Variants in PPIH observed in about 807,000 individuals in gnomAD.
PPIH encodes peptidyl-prolyl cis-trans isomerase H.
A neutral mutation model predicts 27.6 loss-of-function variants in PPIH; 16 were observed. That is an observed-to-expected ratio of 0.58 (90% CI 0.39 to 0.88). PPIH has a LOEUF of 0.88. Ranked by LOEUF, PPIH falls within the 40% of genes least tolerant of loss-of-function variation. The pLI, the probability that PPIH is intolerant of heterozygous loss-of-function variation, is 0.00. For synonymous variants in PPIH, 63 were observed against 76.1 expected, an observed-to-expected ratio of 0.83 and a Z score of 0.90; for missense variants, 155 against 224.1, an observed-to-expected ratio of 0.69 and a Z score of 1.97.
chr1:42,669,475 TTGG>T (rs1649516715), intron 9 of PPIH, among the ~76,000 whole-genome samples: 1 of 152,166 alleles, frequency 6.6e-6, no homozygotes, highest in South Asian at 2.1e-4. Flanking sequence ...TTTATATTTC[TTGG>T]TAGAGATGGG....
intron 4 of PPIH, among the ~76,000 whole-genome samples, chr1:42,660,373 G>A (rs1417945667): frequency 6.6e-6 from 1 of 152,090 alleles, no homozygotes; most frequent in Non-Finnish European, 1.5e-5. Context: ...CTTTTTTATG[G>A]TTAATTATCC....
chr1:42,660,957 A>G (rs575487334), intron 5 of PPIH, 53 bp downstream of exon 5: 1 of 1,502,930 alleles, frequency 6.7e-7, no homozygotes, highest in Middle Eastern at 1.7e-4. Flanking sequence ...TTTTGTTGTT[A>G]TTGTTGCAAT....
At chr1:42,671,836 G>A (rs1417962712) in intron 9 of PPIH, among the ~76,000 whole-genome samples, 1 of 152,018 alleles carries the variant, frequency 6.6e-6, no homozygotes, top group East Asian at 1.9e-4. Flanking sequence ...GGGTGTGGAG[G>A]GAAGGGAAGT....
rs1382459096 is a variant in PPIH at position 42,658,803 on chromosome 1, G to A, written c.67-41G>A. The A allele has an allele frequency of 3.1e-6, 5 of 1,608,988 alleles. No individual in the cohort carries two copies. The African/African-American group carries it at 6.7e-5, about 22-fold the overall frequency. On this transcript the variant is annotated intron_variant, in intron 1 of 9. Coordinates refer to ENST00000304979, the MANE Select transcript of PPIH (RefSeq NM_006347.4). ...CCCCCTGCTCCGTGAAGCCCTCATG[G>A]TCTTGGACTGGGCCTTCTGACACTC...
Position 42,658,906 on chromosome 1 carries a change from TAG to T in PPIH, c.130_131del (p.Arg44AlafsTer37), listed in dbSNP as rs1392344250. 6.2e-7 allele frequency: 1 copy of T among 1,613,992 alleles called. No individual in the cohort carries two copies. On this transcript the variant is annotated frameshift_variant and splice_region_variant, in exon 2 of 10. Transcript: ENST00000304979. LOFTEE classifies it high-confidence loss of function. Reference protein sequence around the residue: ...DVVPKTAENFRQFCTGEFRKD... With the variant: ...DVVPKTAENFXQFCTGEFRKD... Reference sequence around the variant, plus strand: ...TTGTGCCTAAGACGGCCGAGAACTTTAGGTAAGGACGTGCTCCAGCTCCGCTG... The same window carrying T: ...TTGTGCCTAAGACGGCCGAGAACTTTGTAAGGACGTGCTCCAGCTCCGCTG...
At chr1:42,679,720 A>G (rs1320895495), downstream of PPIH, among the ~76,000 whole-genome samples, 1 of 152,254 alleles carries the variant, frequency 6.6e-6, no homozygotes, top group African/African-American at 2.4e-5. Flanking sequence ...TAACTGGAGA[A>G]AAGCTCTCAA....
At chr1:42,680,275 G>C (rs746892416), downstream of PPIH, among the ~76,000 whole-genome samples, 1 of 152,210 alleles carries the variant, frequency 6.6e-6, no homozygotes, top group Non-Finnish European at 1.5e-5. Context: ...CTGGAGAGTT[G>C]CAAGTGTCTA....
At chr1:42,674,984 A>G (rs1649813176) in intron 9 of PPIH, among the ~76,000 whole-genome samples, 3 of 152,230 alleles carry the variant, frequency 2.0e-5, no homozygotes, top group Admixed American at 2.0e-4. Context: ...TCAGTGGAAT[A>G]CTATACAGCC....
intron 5 of PPIH, among the ~76,000 whole-genome samples, chr1:42,664,275 A>G (rs754281412): frequency 2.0e-5 from 3 of 152,176 alleles, no homozygotes; most frequent in Non-Finnish European, 4.4e-5. Context: ...TGGTAGTCAC[A>G]TCCAGCTTTC....
chr1:42,664,973 A>G lies in PPIH; in HGVS notation c.336+18A>G, dbSNP rs1362071130. On this transcript the variant is annotated intron_variant, in intron 6 of 9. Coordinates refer to ENST00000304979, the MANE Select transcript of PPIH (RefSeq NM_006347.4). ...TTTCCATGGTAAGTGAGGTCCAATC[A>G]AGGTTTTGGGTTATAGCCAGCTGGT... 1 of 1,610,160 alleles carries G rather than the reference A, an allele frequency of 6.2e-7. No homozygotes were observed. Among genetic ancestry groups the G allele is most frequent in the African/African-American group, 1.3e-5 (1 of 74,748 alleles).
chr1:42,674,874 A>G (rs1305925366), intron 9 of PPIH, among the ~76,000 whole-genome samples: 2 of 152,220 alleles, frequency 1.3e-5, no homozygotes, highest in African/African-American at 2.4e-5. Context: ...AAAGGCCAGG[A>G]GTGGAGAGAA....
Position 42,667,403 on chromosome 1 carries a change from A to C in PPIH, c.518A>C (p.Gln173Pro), listed in dbSNP as rs750436012. 6.2e-7 allele frequency: 1 copy of C among 1,604,350 alleles called. No homozygotes were observed. Among genetic ancestry groups the C allele is most frequent in the African/African-American group, 1.3e-5 (1 of 74,630 alleles). The change falls in exon 9 of 10, where the codon CAG (glutamine) becomes CCG (proline). Residue 173 changes from glutamine to proline, a missense_variant. Transcript: ENST00000304979. ...CCCAAGCTACCTGTGGTGATCTCGC[A>C]GTGTGGGGAGATGTAGTCCAGACAA... ...NKPKLPVVIS[Q>P]CGEM
At chr1:42,661,452 G>T (rs989003057) in intron 5 of PPIH, among the ~76,000 whole-genome samples, 6 of 152,176 alleles carry the variant, frequency 3.9e-5, no homozygotes, top group Non-Finnish European at 5.9e-5. Context: ...CAGTGAAATA[G>T]TTCTTTTTTG....
rs1266042838 is a variant in PPIH at position 42,667,572 on chromosome 1, A to G, written c.*21+132A>G. 4 of 661,700 alleles carry G rather than the reference A, an allele frequency of 6.0e-6. No individual in the cohort carries two copies. In the Admixed American group the frequency reaches 8.0e-5, roughly 13 times the overall value. The allele number at this position is 661,700 out of a possible 1,614,324, so 41.0% of individuals were successfully genotyped here. On this transcript the variant is annotated intron_variant, in intron 9 of 9. Coordinates refer to ENST00000304979, the MANE Select transcript of PPIH (RefSeq NM_006347.4). ...CTCCGTGTATGGCCTTGGAGTAGTC[A>G]CTTTCCTTCTCTGAGCACATTTCCT...
In PPIH at chr1:42,667,393, G is replaced by A. The variant is rs1410765280; in HGVS notation, c.508G>A (p.Val170Met). ...GPNNKPKLPV[V>M]ISQCGEM Reference sequence around the variant, plus strand: ...CAACAATAAGCCCAAGCTACCTGTGGTGATCTCGCAGTGTGGGGAGATGTA... The same window carrying A: ...CAACAATAAGCCCAAGCTACCTGTGATGATCTCGCAGTGTGGGGAGATGTA... The change falls in exon 9 of 10, where the codon GTG becomes ATG. Residue 170 changes from valine (V) to methionine (M), a missense_variant. Physicochemically the swap from Val to Met is conservative, Grantham distance 21. This residue lies in a region of PPIH where 96 missense variants were observed against 175.3 expected (regional missense o/e 0.55). Coordinates refer to ENST00000304979, the MANE Select transcript of PPIH (RefSeq NM_006347.4). The A allele has an allele frequency of 4.4e-6, 7 of 1,608,106 alleles. No individual in the cohort carries two copies. The highest frequency in any genetic ancestry group is 5.1e-6 in the Non-Finnish European group (6 of 1,175,096).
At chr1:42,659,297 G>C (rs965045564) in intron 3 of PPIH, 46 bp downstream of exon 3, 1 of 1,614,224 alleles carries the variant, frequency 6.2e-7, no homozygotes, top group South Asian at 1.1e-5. Flanking sequence ...CCAGAGGGGT[G>C]TTCTGGGGCT....
intron 9 of PPIH, among the ~76,000 whole-genome samples, chr1:42,676,171 A>G (rs1199875588): frequency 1.3e-5 from 2 of 152,152 alleles, no homozygotes; most frequent in African/African-American, 2.4e-5. Flanking sequence ...TTAGGAGTGT[A>G]GAGAATAGCT....
At chr1:42,661,800 A>C (rs1248327356) in intron 5 of PPIH, among the ~76,000 whole-genome samples, 3 of 151,994 alleles carry the variant, frequency 2.0e-5, no homozygotes, top group African/African-American at 7.2e-5. Flanking sequence ...CTATGTTTTG[A>C]TTCATCTGCA....
At chr1:42,676,123 G>A (rs566327404) in intron 9 of PPIH, among the ~76,000 whole-genome samples, 1 of 152,332 alleles carries the variant, frequency 6.6e-6, no homozygotes, top group East Asian at 1.9e-4. Flanking sequence ...GACCTATGGT[G>A]AGAATCTGAC....
Sources: allele counts gnomAD v4.1 joint callset (sites outside exome capture counted in the v4.1 genomes callset), GRCh38; gene constraint gnomAD v4.1.1; regional missense constraint gnomAD v4.1.1; transcripts MANE v1.5; gene names NCBI Gene and HGNC (gene_info 2026-07-23, HGNC 2026-07-21).